Variants in PITPNA observed in about 807,000 individuals in gnomAD.
The protein encoded by PITPNA is phosphatidylinositol transfer protein alpha isoform.
A neutral mutation model predicts 50.3 loss-of-function variants in PITPNA; 13 were observed. The observed-to-expected ratio is 0.26, with a 90% CI of 0.17 to 0.41. PITPNA has a LOEUF of 0.41. Ranked by LOEUF, PITPNA falls within the 10% of genes least tolerant of loss-of-function variation. The probability of loss-of-function intolerance (pLI) is 1.00; values close to 1 mark genes in which losing one functional copy is unlikely to be tolerated. For synonymous variants in PITPNA, 120 were observed against 119.6 expected (o/e 1.00, Z -0.02); for missense variants, 207 against 333.4 (o/e 0.62, Z 2.95).
At position 1,534,198 on chromosome 17, in the gene PITPNA, G is replaced by A; in HGVS notation, c.669C>T (p.Asn223=). The A allele has an allele frequency of 6.2e-7, 1 of 1,613,950 alleles. No individual in the cohort carries two copies. The highest frequency in any genetic ancestry group is 8.5e-7 in the Non-Finnish European group (1 of 1,179,866). ...GCCAACAGAACAGCTGCCTGTGGAA[G>A]TTTGTAAACAGACGCCTCTCTTGCT... ...IHKQERRLFT[N]FHRQLFCWLD... Residue 223 remains asparagine (N), a synonymous_variant, in exon 10 of 12, where the codon AAC becomes AAT. Transcript: ENST00000313486.
chr17:1,535,501 T>C lies in PITPNA; in HGVS notation c.474A>G (p.Glu158=), dbSNP rs776912775. The change falls in exon 8 of 12, where the codon GAA becomes GAG. Residue 158 remains glutamate, a synonymous_variant. Transcript: ENST00000313486. ...TGATAGATTTAAATTTTGCTGGGTC[T>C]TCCTCTGCCTTGTAATCCTGAGAGA... ...QVLSKDYKAE[E]DPAKFKSIKT... 1.9e-6 allele frequency: 3 copies of C among 1,612,770 alleles called. No individual in the cohort carries two copies. Among genetic ancestry groups the C allele is most frequent in the Non-Finnish European group, 8.5e-7 (1 of 1,178,756 alleles).
intron 10 of PITPNA, among the ~76,000 whole-genome samples, chr17:1,528,696 C>T (rs1462064490): frequency 6.6e-6 from 1 of 151,180 alleles, no homozygotes; most frequent in Non-Finnish European, 1.5e-5. Flanking sequence ...ATGATCACAG[C>T]ACTGCACTCT....
chr17:1,551,191 TG>T (rs1383013674), intron 3 of PITPNA, among the ~76,000 whole-genome samples: 1 of 152,052 alleles, frequency 6.6e-6, no homozygotes, highest in Non-Finnish European at 1.5e-5. Flanking sequence ...CTTTCTGCTT[TG>T]GGCAGCCAGA....
At chr17:1,560,818 T>C (rs1363469398) in intron 1 of PITPNA, among the ~76,000 whole-genome samples, 1 of 152,164 alleles carries the variant, frequency 6.6e-6, no homozygotes, top group Non-Finnish European at 1.5e-5. Context: ...TCAGACTGGA[T>C]GTCAAGAAAC....
rs1031712796 is a variant in PITPNA, at chr17:1,562,407, G to A, written c.20+134C>T. The A allele has an allele frequency of 1.1e-5, 7 of 650,718 alleles. No individual in the cohort carries two copies. The African/African-American group carries it at 1.2e-4, about 11-fold the overall frequency. The allele number at this position is 650,718 out of a possible 1,614,324, so 40.3% of individuals were successfully genotyped here. A position where few individuals can be genotyped will look rare whatever the true frequency, so the allele number is the denominator to read the frequency against. On this transcript the variant is annotated intron_variant, in intron 1 of 11. Transcript: ENST00000313486. This position sits in a 1 kb window ranked among gnomAD's most constrained non-coding sequence, Gnocchi z 6.4. ...CCCCGGATCCCCTCCATCCCCGCTG[G>A]GCCCGCCTCAGGCACCCTCCGTCCC...
chr17:1,518,811 AG>A lies in PITPNA; in HGVS notation c.*1749del, dbSNP rs1190978333. The A allele has an allele frequency of 2.0e-5, 3 of 152,276 alleles. No individual in the cohort carries two copies. The highest frequency in any genetic ancestry group is 4.4e-5 in the Non-Finnish European group (3 of 68,050). 9.4% of individuals were successfully genotyped at this position (152,276 alleles called of 1,614,324 possible). On this transcript the variant is annotated 3_prime_UTR_variant, in exon 12 of 12. Coordinates refer to ENST00000313486, the MANE Select transcript of PITPNA (RefSeq NM_006224.4). ...AATGAATAGCTAACACAGAGCTTAT[AG>A]GAAAACACTGACATTTTTCTCCAGT...
intron 10 of PITPNA, among the ~76,000 whole-genome samples, chr17:1,531,558 T>TA (rs1416401659): frequency 6.6e-6 from 1 of 151,444 alleles, no homozygotes; most frequent in Non-Finnish European, 1.5e-5. Flanking sequence ...TAAGAAAAAT[T>TA]AAAAGGATTT....
intron 11 of PITPNA, among the ~76,000 whole-genome samples, 154 bp from the exon 12 acceptor site, chr17:1,520,692 G>A (rs910496652): frequency 6.6e-6 from 1 of 152,216 alleles, no homozygotes; most frequent in Non-Finnish European, 1.5e-5. Flanking sequence ...CAGTGACTGA[G>A]AAGCTGGCAT....
chr17:1,544,167 C>G (rs2151009824), intron 4 of PITPNA, among the ~76,000 whole-genome samples: 1 of 152,362 alleles, frequency 6.6e-6, no homozygotes, highest in East Asian at 1.9e-4. Context: ...ACGTGCTCAT[C>G]AATGGACCCA....
intron 7 of PITPNA, among the ~76,000 whole-genome samples, chr17:1,536,478 A>G (rs918279444): frequency 6.6e-5 from 10 of 151,698 alleles, no homozygotes; most frequent in Non-Finnish European, 1.0e-4. Flanking sequence ...TTTAGTAGAG[A>G]CGGGGTTTCA....
intron 7 of PITPNA, among the ~76,000 whole-genome samples, chr17:1,536,499 C>G (rs1378894937): frequency 1.3e-5 from 2 of 152,100 alleles, no homozygotes; most frequent in Non-Finnish European, 1.5e-5. Context: ...CCGTGTTAGC[C>G]AGGATGGTCT....
chr17:1,558,230 C>CA (rs11427981), intron 2 of PITPNA, among the ~76,000 whole-genome samples: 17,640 of 104,106 alleles, frequency 0.17, 1,989 homozygotes, highest in African/African-American at 0.29. Context: ...GACTCCGTCT[C>CA]AAAAAAAAAA....
chr17:1,542,545 C>T (rs1017085095), intron 5 of PITPNA, among the ~76,000 whole-genome samples: 1 of 152,156 alleles, frequency 6.6e-6, no homozygotes, highest in African/African-American at 2.4e-5. Flanking sequence ...CAGTGTTTAC[C>T]GGCAGGGACA....
intron 5 of PITPNA, 43 bp downstream of exon 5, chr17:1,542,977 C>A: frequency 6.6e-7 from 1 of 1,507,684 alleles, no homozygotes; most frequent in Non-Finnish European, 9.1e-7. Flanking sequence ...CTCTCCTGTT[C>A]TTATACATCA....
At chr17:1,551,949 G>A (rs888513831) in intron 3 of PITPNA, among the ~76,000 whole-genome samples, 4 of 147,236 alleles carry the variant, frequency 2.7e-5, no homozygotes, top group African/African-American at 9.8e-5. Context: ...CTCGCACCCC[G>A]GTACTGAGGT....
chr17:1,541,531 C>T (rs780223888), intron 6 of PITPNA, 35 bp downstream of exon 6: 16 of 1,485,526 alleles, frequency 1.1e-5, no homozygotes, highest in Admixed American at 1.7e-5. Context: ...AGACTCAAGA[C>T]CTCACCCCTG....
At chr17:1,544,292 G>A (rs929872046) in intron 4 of PITPNA, among the ~76,000 whole-genome samples, 1 of 152,224 alleles carries the variant, frequency 6.6e-6, no homozygotes, top group African/African-American at 2.4e-5. Flanking sequence ...ATCATCGAAT[G>A]GGAATGTCCC....
chr17:1,542,978 T>C (rs776401123), intron 5 of PITPNA, 42 bp downstream of exon 5: 79 of 1,511,170 alleles, frequency 5.2e-5, no homozygotes, highest in Non-Finnish European at 7.1e-5. Context: ...TCTCCTGTTC[T>C]TATACATCAT....
In PITPNA at chr17:1,520,346, G is replaced by T; in HGVS notation, c.*215C>A. 1 of 152,754 alleles carries T rather than the reference G, an allele frequency of 6.5e-6. No individual in the cohort carries two copies. Among genetic ancestry groups the T allele is most frequent in the African/African-American group, 2.4e-5 (1 of 41,566 alleles). The allele number at this position is 152,754 out of a possible 1,614,324, so 9.5% of individuals were successfully genotyped here. A position where few individuals can be genotyped will look rare whatever the true frequency, so the allele number is the denominator to read the frequency against. On this transcript the variant is annotated 3_prime_UTR_variant, in exon 12 of 12. Coordinates refer to ENST00000313486, the MANE Select transcript of PITPNA (RefSeq NM_006224.4). The stretch of plus-strand genomic sequence containing the variant: ...CACGCCACGTATCTCGGAGGAGCAG[G>T]CTCCTGCACACGCGGGCTCTGTGAC...
Sources: gnomAD v4.1 joint callset for allele counts (sites outside exome capture counted in the v4.1 genomes callset) on GRCh38, gnomAD v4.1.1 for gene constraint, Gnocchi (gnomAD v3.1) non-coding constraint, MANE v1.5 for transcripts, NCBI Gene and HGNC (gene_info 2026-07-23, HGNC 2026-07-21) for gene names.